GPC6: variants seen among roughly 807,000 people sequenced by gnomAD.
The protein encoded by GPC6 is glypican 6.
Under a neutral mutation model 55.2 loss-of-function variants are expected in GPC6, and 14 were observed. The ratio of observed to expected loss-of-function variants is 0.25; its 90% CI spans 0.17 to 0.40. The LOEUF (loss-of-function observed/expected upper bound fraction) is 0.40, where lower values mean the gene tolerates loss of function less well. Ranked by LOEUF, GPC6 falls within the 10% of genes least tolerant of loss-of-function variation. The probability of loss-of-function intolerance (pLI) is 1.00; values close to 1 mark genes in which losing one functional copy is unlikely to be tolerated. For synonymous variants in GPC6, 278 were observed against 259.6 expected, an observed-to-expected ratio of 1.07 and a Z score of -0.68; for missense variants, 641 against 708.5, an observed-to-expected ratio of 0.90 and a Z score of 1.08.
chr13:93,354,969 T>C (rs1880792661), intron 1 of GPC6, among the ~76,000 whole-genome samples: 1 of 152,170 alleles, frequency 6.6e-6, no homozygotes, highest in African/African-American at 2.4e-5. Flanking sequence ...AATTCAACAA[T>C]CTAAAAAGTA....
intron 2 of GPC6, among the ~76,000 whole-genome samples, chr13:93,736,173 A>C (rs1234059564): frequency 6.6e-6 from 1 of 152,224 alleles, no homozygotes; most frequent in Non-Finnish European, 1.5e-5. Flanking sequence ...CCAGACAGTC[A>C]CATGTTAAAT....
intron 1 of GPC6, among the ~76,000 whole-genome samples, chr13:93,330,937 G>A (rs563658008): frequency 3.3e-5 from 5 of 152,118 alleles, no homozygotes; most frequent in African/African-American, 1.2e-4. Flanking sequence ...TTTGGAATTA[G>A]CCTGATTATC....
intron 2 of GPC6, among the ~76,000 whole-genome samples, chr13:93,665,790 T>C (rs2139619352): frequency 6.6e-6 from 1 of 152,290 alleles, no homozygotes; most frequent in Non-Finnish European, 1.5e-5. Context: ...AATCTTGTCA[T>C]GTATGTAATT....
At chr13:94,031,756 C>T (rs74111409) in intron 4 of GPC6, among the ~76,000 whole-genome samples, 2 of 152,178 alleles carry the variant, frequency 1.3e-5, no homozygotes, top group Admixed American at 6.5e-5. Context: ...TCAGTAATAT[C>T]CTGTGGTTAT....
At chr13:93,624,031 T>C (rs1879083594) in intron 2 of GPC6, among the ~76,000 whole-genome samples, 1 of 152,168 alleles carries the variant, frequency 6.6e-6, no homozygotes, top group African/African-American at 2.4e-5. Context: ...ATCTTATTAA[T>C]ATAAGGCTTT....
At chr13:93,827,687 T>C (rs938563505) in intron 2 of GPC6, among the ~76,000 whole-genome samples, 1 of 152,170 alleles carries the variant, frequency 6.6e-6, no homozygotes, top group Non-Finnish European at 1.5e-5. Context: ...TAGACAACAA[T>C]GTAAGCTTGG....
chr13:93,823,840 A>G (rs2138970091), intron 2 of GPC6, among the ~76,000 whole-genome samples: 1 of 152,320 alleles, frequency 6.6e-6, no homozygotes, highest in African/African-American at 2.4e-5. Flanking sequence ...GTTAAGTCCT[A>G]GGAATAATTA....
At chr13:94,052,479 T>C (rs773435446) in intron 4 of GPC6, among the ~76,000 whole-genome samples, 1 of 152,292 alleles carries the variant, frequency 6.6e-6, no homozygotes, top group Non-Finnish European at 1.5e-5. Context: ...GTGGAGTTGA[T>C]ATATTTATGC....
At chr13:94,103,398 A>G (rs996749794) in intron 4 of GPC6, among the ~76,000 whole-genome samples, 10 of 152,182 alleles carry the variant, frequency 6.6e-5, no homozygotes, top group Non-Finnish European at 1.2e-4. Context: ...TTGGGTATAT[A>G]CCCAGTAATG....
chr13:93,834,360 C>A (rs1887653097), intron 3 of GPC6, among the ~76,000 whole-genome samples: 1 of 152,114 alleles, frequency 6.6e-6, no homozygotes, highest in Admixed American at 6.5e-5. Context: ...AAAATACATA[C>A]ATTTTTATGA....
intron 1 of GPC6, among the ~76,000 whole-genome samples, chr13:93,493,466 A>G (rs1163270925): frequency 9.2e-6 from 1 of 108,598 alleles, no homozygotes; most frequent in Non-Finnish European, 2.0e-5. Flanking sequence ...ATCCTTTCAA[A>G]AAACCAGCTC....
chr13:94,342,839 T>G (rs1878112613), intron 6 of GPC6, among the ~76,000 whole-genome samples: 1 of 152,110 alleles, frequency 6.6e-6, no homozygotes, highest in Non-Finnish European at 1.5e-5. Flanking sequence ...AGTCCTAGAC[T>G]GTCTCGCCAG....
intron 6 of GPC6, among the ~76,000 whole-genome samples, chr13:94,345,162 A>G (rs1485147342): frequency 6.6e-6 from 1 of 152,250 alleles, no homozygotes; most frequent in African/African-American, 2.4e-5. Context: ...AAAATCTGCT[A>G]GCAAAAAGCA....
chr13:93,577,491 ATT>A (rs34215831), intron 2 of GPC6, among the ~76,000 whole-genome samples: 1 of 151,700 alleles, frequency 6.6e-6, no homozygotes, highest in African/African-American at 2.4e-5. Context: ...AATAGATAGC[ATT>A]TTTTTTTCAG....
intron 3 of GPC6, among the ~76,000 whole-genome samples, chr13:93,938,736 G>T (rs1045718570): frequency 1.3e-5 from 2 of 152,162 alleles, no homozygotes; most frequent in Admixed American, 1.3e-4. Context: ...GGATTTTCTT[G>T]CAGGAAAAGA....
chr13:93,543,234 G>C (rs1297232557), intron 1 of GPC6, among the ~76,000 whole-genome samples: 1 of 152,164 alleles, frequency 6.6e-6, no homozygotes, highest in Non-Finnish European at 1.5e-5. Context: ...TTAGCATGAA[G>C]CATCGTTGAA....
rs563919805 is a variant in GPC6 at position 94,280,197 on chromosome 13, G to A, written c.878-6152G>A. Among the ~76,000 whole-genome samples the A allele has an allele frequency of 6.8e-4, 103 of 152,248 alleles. 1 individual carries two copies. Among genetic ancestry groups the A allele is most frequent in the African/African-American group, 2.4e-3 (98 of 41,528 alleles). On this transcript the variant is annotated intron_variant, in intron 4 of 8. Transcript: ENST00000377047. ...ATTGATCCCTTTACCATTATGTAATGCACTTCTTTGCCTTTTTTGATCTTT... is the reference window on the plus strand; with the variant it reads ...ATTGATCCCTTTACCATTATGTAATACACTTCTTTGCCTTTTTTGATCTTT...
intron 2 of GPC6, among the ~76,000 whole-genome samples, chr13:93,806,062 T>C (rs1260430662): frequency 1.3e-5 from 2 of 152,210 alleles, no homozygotes; most frequent in Non-Finnish European, 2.9e-5. Flanking sequence ...AAGATGTTTT[T>C]ATAGAAATTT....
At chr13:93,398,372 A>G (rs1231621638) in intron 1 of GPC6, among the ~76,000 whole-genome samples, 1 of 152,160 alleles carries the variant, frequency 6.6e-6, no homozygotes, top group African/African-American at 2.4e-5. Flanking sequence ...AGTAATGGTG[A>G]TTTGAGAAGT....
Sources: allele counts gnomAD v4.1 joint callset (sites outside exome capture counted in the v4.1 genomes callset), GRCh38; gene constraint gnomAD v4.1.1; transcripts MANE v1.5; gene names NCBI Gene and HGNC (gene_info 2026-07-23, HGNC 2026-07-21).